The following ATRNL1 variants were observed in gnomAD, a reference collection of about 807,000 sequenced individuals.
ATRNL1 encodes the protein attractin like 1.
ATRNL1 carries 95 observed loss-of-function variants against 182.7 expected under a neutral mutation model. That is an observed-to-expected ratio of 0.52 (90% CI 0.44 to 0.62). The LOEUF is 0.62. Among genes scored for constraint, ATRNL1 ranks in the 20% least tolerant of loss-of-function variants. ATRNL1 has a pLI of 0.00. For synonymous variants in ATRNL1, 576 were observed against 568.3 expected (o/e 1.01, Z -0.19); for missense variants, 1,471 against 1,679.5 (o/e 0.88, Z 2.17).
chr10:115,095,764 A>G (rs1479374432), intron 1 of ATRNL1, among the ~76,000 whole-genome samples: 1 of 152,170 alleles, frequency 6.6e-6, no homozygotes, highest in Non-Finnish European at 1.5e-5. Context: ...TTTACCTAGC[A>G]AGAGAGAATT....
intron 25 of ATRNL1, among the ~76,000 whole-genome samples, chr10:115,530,061 G>C (rs1227927352): frequency 1.3e-5 from 2 of 151,942 alleles, no homozygotes; most frequent in East Asian, 3.9e-4. Context: ...TCAGTACTTT[G>C]TTTCTTTTTA....
intron 24 of ATRNL1, among the ~76,000 whole-genome samples, chr10:115,490,602 T>C (rs539593538): frequency 7.2e-5 from 11 of 152,290 alleles, no homozygotes; most frequent in Admixed American, 5.2e-4. Flanking sequence ...CTAAATTGGT[T>C]ATTCTAGTTA....
intron 13 of ATRNL1, among the ~76,000 whole-genome samples, chr10:115,276,109 G>A (rs974557241): frequency 1.3e-5 from 2 of 151,938 alleles, no homozygotes; most frequent in East Asian, 1.9e-4. Flanking sequence ...ATCTGGTGAC[G>A]GCCTACTTTC....
In ATRNL1 at chr10:115,304,305, G is replaced by A. The variant is rs141452569; in HGVS notation, c.2818+2262G>A. 1.1e-4 allele frequency among the ~76,000 whole-genome samples: 16 copies of A among 152,246 alleles called. No homozygotes were observed. The East Asian group carries it at 2.1e-3, about 20-fold the overall frequency. On this transcript the variant is annotated intron_variant, in intron 17 of 28. Coordinates refer to ENST00000355044, the MANE Select transcript of ATRNL1 (RefSeq NM_207303.4). Reference sequence around the variant, plus strand: ...CAGCAGCAATATTTATTTTCTGCCCGTCCACTCTTCCTTCCCTCCTTTGAG... The same window carrying A: ...CAGCAGCAATATTTATTTTCTGCCCATCCACTCTTCCTTCCCTCCTTTGAG...
chr10:115,222,112 GATACTC>G (rs779539156), intron 9 of ATRNL1, among the ~76,000 whole-genome samples: 4 of 151,986 alleles, frequency 2.6e-5, no homozygotes, highest in Non-Finnish European at 5.9e-5. Flanking sequence ...GACAGGCCTG[GATACTC>G]ATACTTATGA....
At chr10:115,244,389 A>G (rs2256563) in intron 10 of ATRNL1, among the ~76,000 whole-genome samples, 101,489 of 151,926 alleles carry the variant, frequency 0.67, 34,639 homozygotes, top group Non-Finnish European at 0.75. Context: ...GAAGGCATAT[A>G]CTGGTGATTT....
intron 27 of ATRNL1, among the ~76,000 whole-genome samples, chr10:115,796,001 C>A (rs1555082863): frequency 6.6e-6 from 1 of 152,100 alleles, no homozygotes; most frequent in Non-Finnish European, 1.5e-5. Context: ...ACTCCCACAT[C>A]TAGCTTCCCT....
intron 26 of ATRNL1, among the ~76,000 whole-genome samples, chr10:115,686,826 G>A (rs978895437): frequency 1.3e-4 from 20 of 151,988 alleles, no homozygotes; most frequent in Non-Finnish European, 4.4e-5. Context: ...GGAGAAGTTA[G>A]CTAAGCACCT....
chr10:115,852,320 A>C (rs2134367902), intron 28 of ATRNL1, among the ~76,000 whole-genome samples: 1 of 152,338 alleles, frequency 6.6e-6, no homozygotes, highest in Admixed American at 6.5e-5. Context: ...CAGAATGATT[A>C]GATTATTTTG....
intron 25 of ATRNL1, among the ~76,000 whole-genome samples, chr10:115,527,922 TCCTC>T (rs1478560039): frequency 1.6e-5 from 1 of 63,484 alleles, no homozygotes; most frequent in African/African-American, 5.3e-5. Flanking sequence ...CTTCCTCCCT[TCCTC>T]CCTCCTTCCT....
chr10:115,253,921 T>C (rs1288585316), intron 10 of ATRNL1, among the ~76,000 whole-genome samples: 1 of 152,184 alleles, frequency 6.6e-6, no homozygotes, highest in African/African-American at 2.4e-5. Context: ...TTGCTGAGAA[T>C]GATGGTTTCC....
intron 26 of ATRNL1, among the ~76,000 whole-genome samples, chr10:115,652,882 T>C (rs1860101646): frequency 6.6e-6 from 1 of 152,146 alleles, no homozygotes; most frequent in Admixed American, 6.5e-5. Context: ...AGATTTATAA[T>C]GCATGTAGAT....
rs560738100 is a variant in ATRNL1, at chr10:115,779,575, T to A, written c.3903+52220T>A. On this transcript the variant is annotated intron_variant, in intron 27 of 28. Transcript: ENST00000355044. ...CATTCCTTTTGGCTCCTGCCAAAAGTACAGCTGAGATAATTGGCACTTGAA... is the reference window on the plus strand; with the variant it reads ...CATTCCTTTTGGCTCCTGCCAAAAGAACAGCTGAGATAATTGGCACTTGAA... Among the ~76,000 whole-genome samples, 9 of 152,320 alleles carry A rather than the reference T, an allele frequency of 5.9e-5. No individual in the cohort carries two copies. The South Asian group carries it at 1.9e-3, about 32-fold the overall frequency.
chr10:115,601,137 T>C (rs1856573244), intron 26 of ATRNL1, among the ~76,000 whole-genome samples: 1 of 152,106 alleles, frequency 6.6e-6, no homozygotes, highest in African/African-American at 2.4e-5. Context: ...GCTCATGACT[T>C]ACTTAAAAGT....
intron 27 of ATRNL1, among the ~76,000 whole-genome samples, chr10:115,806,236 T>C (rs1453241223): frequency 6.6e-6 from 1 of 152,146 alleles, no homozygotes; most frequent in Non-Finnish European, 1.5e-5. Context: ...AGAATTTCTT[T>C]AAGGAAAGAT....
intron 1 of ATRNL1, among the ~76,000 whole-genome samples, chr10:115,113,993 T>G (rs565897430): frequency 6.6e-6 from 1 of 152,254 alleles, no homozygotes; most frequent in Admixed American, 6.5e-5. Flanking sequence ...CTGTTTTTTT[T>G]TCCATGAACT....
In ATRNL1 at chr10:115,266,915, A is replaced by G. The variant is rs1265816157; in HGVS notation, c.1891A>G (p.Ile631Val). The G allele has an allele frequency of 6.2e-7, 1 of 1,612,480 alleles. No homozygotes were observed. Among genetic ancestry groups the G allele is most frequent in the Non-Finnish European group, 8.5e-7 (1 of 1,179,078 alleles). The change falls in exon 12 of 29, where the codon ATA (isoleucine) becomes GTA (valine). Residue 631 changes from isoleucine (I) to valine (V), a missense_variant. By Grantham distance (29) the Ile-to-Val change is conservative. Transcript: ENST00000355044. The stretch of plus-strand genomic sequence containing the variant: ...ACTTTGTAAAAATGCTGGTCCAGGG[A>G]TAAAATGTGTTTGGAATAAAAATCA... ...EELCKNAGPG[I>V]KCVWNKNHCE...
At chr10:115,340,707 T>A (rs1036059804) in intron 19 of ATRNL1, among the ~76,000 whole-genome samples, 2 of 151,950 alleles carry the variant, frequency 1.3e-5, no homozygotes, top group Admixed American at 1.3e-4. Context: ...ATAACATTAC[T>A]TGTTATTGGT....
At chr10:115,670,485 A>T (rs551137261) in intron 26 of ATRNL1, among the ~76,000 whole-genome samples, 2 of 152,200 alleles carry the variant, frequency 1.3e-5, no homozygotes, top group South Asian at 4.1e-4. Context: ...TTCACAATAT[A>T]TGAGATATTG....
Sources: allele counts gnomAD v4.1 joint callset (sites outside exome capture counted in the v4.1 genomes callset), GRCh38; gene constraint gnomAD v4.1.1; transcripts MANE v1.5; gene names NCBI Gene and HGNC (gene_info 2026-07-23, HGNC 2026-07-21).